The following CDH12 variants were observed in gnomAD, a reference collection of about 807,000 sequenced individuals.
The protein encoded by CDH12 is cadherin 12.
Under a neutral mutation model 74.1 loss-of-function variants are expected in CDH12, and 41 were observed. The ratio of observed to expected loss-of-function variants is 0.55; its 90% confidence interval spans 0.43 to 0.72. The LOEUF (loss-of-function observed/expected upper bound fraction) is 0.72. Ranked by LOEUF, CDH12 falls within the 30% of genes least tolerant of loss-of-function variation. The probability of loss-of-function intolerance (pLI) is 0.00; values close to 1 mark genes in which losing one functional copy is unlikely to be tolerated. For missense variants in CDH12, 945 were observed against 977.2 expected (o/e 0.97, Z 0.44); for synonymous variants, 399 against 355.0 (o/e 1.12, Z -1.39).
chr5:22,063,749 T>C (rs1044139692), intron 5 of CDH12, among the ~76,000 whole-genome samples: 25 of 151,900 alleles, frequency 1.6e-4, no homozygotes, highest in African/African-American at 5.6e-4. Context: ...TGGCGGACTT[T>C]GAGTAAAACA....
At chr5:22,814,121 T>C (rs1317998500) in intron 1 of CDH12, among the ~76,000 whole-genome samples, 3 of 152,162 alleles carry the variant, frequency 2.0e-5, no homozygotes, top group Non-Finnish European at 2.9e-5. Flanking sequence ...GATTTAGTCA[T>C]TGAAAATAAA....
At chr5:22,467,579 A>T (rs1174387921) in intron 2 of CDH12, among the ~76,000 whole-genome samples, 1 of 152,146 alleles carries the variant, frequency 6.6e-6, no homozygotes, top group Non-Finnish European at 1.5e-5. Flanking sequence ...TAATGAGGGG[A>T]GGGACTTGGT....
chr5:22,777,901 C>A (rs549906564), intron 1 of CDH12, among the ~76,000 whole-genome samples: 3 of 152,160 alleles, frequency 2.0e-5, no homozygotes, highest in African/African-American at 7.2e-5. Context: ...GCAACCTTCA[C>A]CTCCTGGGTT....
chr5:21,973,198 C>G (rs1182428874), intron 6 of CDH12, among the ~76,000 whole-genome samples: 1 of 151,910 alleles, frequency 6.6e-6, no homozygotes, highest in Non-Finnish European at 1.5e-5. Flanking sequence ...CAGACCAAGA[C>G]CCAGTCTCAA....
At chr5:22,109,686 T>A (rs1367799177) in intron 4 of CDH12, among the ~76,000 whole-genome samples, 1 of 152,164 alleles carries the variant, frequency 6.6e-6, no homozygotes, top group Non-Finnish European at 1.5e-5. Flanking sequence ...TTTGTATCTG[T>A]ACCTATACCA....
chr5:21,848,349 G>A (rs941813610), intron 7 of CDH12, among the ~76,000 whole-genome samples: 1 of 151,972 alleles, frequency 6.6e-6, no homozygotes, highest in African/African-American at 2.4e-5. Flanking sequence ...GTTAGAGATA[G>A]CTAATAAGGT....
intron 1 of CDH12, among the ~76,000 whole-genome samples, chr5:22,607,400 T>G (rs1462249290): frequency 6.6e-6 from 1 of 152,198 alleles, no homozygotes; most frequent in Non-Finnish European, 1.5e-5. Flanking sequence ...CAGTTCCACA[T>G]GCCCGGGGAG....
intron 1 of CDH12, among the ~76,000 whole-genome samples, chr5:22,843,315 G>C (rs533580610): frequency 6.6e-6 from 1 of 152,128 alleles, no homozygotes; most frequent in South Asian, 2.1e-4. Flanking sequence ...AATTCACTAA[G>C]AGTTCCAGAA....
intron 3 of CDH12, among the ~76,000 whole-genome samples, chr5:22,367,385 A>G (rs1741079980): frequency 6.6e-6 from 1 of 152,212 alleles, no homozygotes; most frequent in African/African-American, 2.4e-5. Context: ...GATTTTTACA[A>G]ATTTGCTGTC....
intron 8 of CDH12, among the ~76,000 whole-genome samples, chr5:21,823,189 A>G (rs1260262736): frequency 2.0e-5 from 3 of 152,148 alleles, no homozygotes; most frequent in African/African-American, 7.2e-5. Flanking sequence ...TAGCAGAAAA[A>G]AACACCAGCG....
chr5:22,720,070 A>G (rs1420379123), intron 1 of CDH12, among the ~76,000 whole-genome samples: 1 of 152,116 alleles, frequency 6.6e-6, no homozygotes, highest in Non-Finnish European at 1.5e-5. Context: ...AGAAGAAAAC[A>G]GCATAGAAAA....
chr5:21,947,302 G>A (rs891865970), intron 6 of CDH12, among the ~76,000 whole-genome samples: 29 of 152,146 alleles, frequency 1.9e-4, no homozygotes, highest in Non-Finnish European at 3.7e-4. Context: ...TCGGGCAGAG[G>A]TTGGAAGTGT....
intron 3 of CDH12, among the ~76,000 whole-genome samples, chr5:22,359,517 T>C (rs1017899405): frequency 6.6e-6 from 1 of 152,106 alleles, no homozygotes; most frequent in African/African-American, 2.4e-5. Flanking sequence ...ATTAGACAGA[T>C]CAACGAGACA....
intron 13 of CDH12, among the ~76,000 whole-genome samples, chr5:21,756,513 T>C (rs1225576848): frequency 6.6e-6 from 1 of 152,206 alleles, no homozygotes; most frequent in Non-Finnish European, 1.5e-5. Flanking sequence ...CAATAATGTT[T>C]ACTTGCAATA....
intron 2 of CDH12, among the ~76,000 whole-genome samples, chr5:22,454,814 G>A (rs1261257): frequency 0.47 from 70,809 of 151,896 alleles, 16,938 homozygotes; most frequent in Admixed American, 0.64. Context: ...TCCTAAAATG[G>A]GTCCCAACCT....
At position 22,336,007 on chromosome 5, in the gene CDH12, G is replaced by A. The variant is rs927630623; in HGVS notation, c.-333+69250C>T. 2.6e-5 allele frequency among the ~76,000 whole-genome samples: 4 copies of A among 152,212 alleles called. No homozygotes were observed. In the South Asian group the frequency reaches 8.3e-4, roughly 32 times the overall value. ...TGACCAAAAGCCTGACAGCAACATG[G>A]ACAATAAGGTCCAAGCTGAGGTGGT... On this transcript the variant is annotated intron_variant, in intron 3 of 14. Coordinates refer to ENST00000382254, the MANE Select transcript of CDH12 (RefSeq NM_004061.5).
intron 1 of CDH12, among the ~76,000 whole-genome samples, chr5:22,827,908 A>G (rs1736413787): frequency 6.6e-6 from 1 of 152,118 alleles, no homozygotes; most frequent in Non-Finnish European, 1.5e-5. Flanking sequence ...GTTCTTATTC[A>G]TTGGGCTTAG....
intron 11 of CDH12, among the ~76,000 whole-genome samples, chr5:21,773,571 CG>C (rs930137234): frequency 6.6e-6 from 1 of 152,144 alleles, no homozygotes; most frequent in African/African-American, 2.4e-5. Context: ...ACAGACTGAA[CG>C]CTGCAACTAT....
intron 1 of CDH12, among the ~76,000 whole-genome samples, chr5:22,760,666 A>G (rs560225299): frequency 1.3e-4 from 18 of 140,536 alleles, no homozygotes; most frequent in African/African-American, 4.6e-4. Context: ...GTGACAGGAT[A>G]AGACTCCGTC....
Sources: allele counts gnomAD v4.1 joint callset (sites outside exome capture counted in the v4.1 genomes callset), GRCh38; gene constraint gnomAD v4.1.1; transcripts MANE v1.5; gene names NCBI Gene and HGNC (gene_info 2026-07-23, HGNC 2026-07-21).